Variants in KCNN2 observed in about 807,000 individuals in gnomAD.
KCNN2 encodes potassium calcium-activated channel subfamily N member 2, also known as small conductance calcium-activated potassium channel protein 2.
KCNN2 carries 24 observed loss-of-function variants against 55.5 expected under a neutral mutation model. The observed-to-expected ratio is 0.43, with a 90% CI of 0.31 to 0.61. The LOEUF is 0.61. Ranked by LOEUF, KCNN2 falls within the 20% of genes least tolerant of loss-of-function variation. The pLI is 0.08. For synonymous variants in KCNN2, 431 were observed against 336.1 expected, an observed-to-expected ratio of 1.28 and a Z score of -3.09; for missense variants, 754 against 853.6, an observed-to-expected ratio of 0.88 and a Z score of 1.45.
intron 1 of KCNN2, among the ~76,000 whole-genome samples, chr5:114,180,779 C>G (rs984735996): frequency 2.6e-5 from 4 of 152,140 alleles, no homozygotes; most frequent in African/African-American, 9.7e-5. Flanking sequence ...CCCTCAGCCC[C>G]CTTCCTAGTC....
intron 5 of KCNN2, among the ~76,000 whole-genome samples, chr5:114,483,472 C>T (rs1293742838): frequency 6.6e-6 from 1 of 151,924 alleles, no homozygotes; most frequent in South Asian, 2.1e-4. Flanking sequence ...TGGGGTTCCA[C>T]TAGATGTTGG....
chr5:114,178,015 A>C (rs972168566), intron 1 of KCNN2, among the ~76,000 whole-genome samples: 2 of 152,202 alleles, frequency 1.3e-5, no homozygotes, highest in Non-Finnish European at 2.9e-5. Context: ...ATTGTTTTTA[A>C]TTTAGTCATG....
At chr5:114,058,535 C>T (rs1257374038) in intron 1 of KCNN2, among the ~76,000 whole-genome samples, 2 of 151,982 alleles carry the variant, frequency 1.3e-5, no homozygotes, top group Non-Finnish European at 1.5e-5. Flanking sequence ...TGGTGGACCA[C>T]GTATTAAGAT....
chr5:114,329,969 G>A (rs951904288), intron 2 of KCNN2, among the ~76,000 whole-genome samples: 4 of 152,052 alleles, frequency 2.6e-5, no homozygotes, highest in Non-Finnish European at 4.4e-5. Context: ...GCCCCCAGGA[G>A]AGCACCACCC....
At chr5:114,210,693 A>G (rs930476956) in intron 1 of KCNN2, among the ~76,000 whole-genome samples, 2 of 152,216 alleles carry the variant, frequency 1.3e-5, no homozygotes, top group African/African-American at 4.8e-5. Flanking sequence ...CTAAATACTC[A>G]TCAAGCCAAA....
chr5:114,186,533 G>T (rs374213438), intron 1 of KCNN2, among the ~76,000 whole-genome samples: 30 of 152,184 alleles, frequency 2.0e-4, no homozygotes, highest in East Asian at 1.7e-3. Flanking sequence ...AAAAACAAAA[G>T]AATGAAATAA....
intron 2 of KCNN2, among the ~76,000 whole-genome samples, chr5:114,291,253 T>C (rs184427139): frequency 0.013 from 1,993 of 152,238 alleles, 23 homozygotes; most frequent in Non-Finnish European, 0.018. Flanking sequence ...GTTTGTTAAA[T>C]ATATATACAT....
intron 1 of KCNN2, among the ~76,000 whole-genome samples, chr5:114,066,747 T>C (rs1750460587): frequency 6.6e-6 from 1 of 151,666 alleles, no homozygotes; most frequent in Non-Finnish European, 1.5e-5. Context: ...GCCCAGCTAA[T>C]TTTTGTGTGT....
At chr5:114,095,946 G>A (rs1751246536) in intron 1 of KCNN2, among the ~76,000 whole-genome samples, 2 of 151,994 alleles carry the variant, frequency 1.3e-5, no homozygotes, top group South Asian at 4.2e-4. Context: ...AAGCATATCA[G>A]TATTACATTT....
At chr5:114,100,196 G>T (rs1421046709) in intron 1 of KCNN2, among the ~76,000 whole-genome samples, 1 of 151,878 alleles carries the variant, frequency 6.6e-6, no homozygotes, top group Admixed American at 6.6e-5. Context: ...AAATTTAAAA[G>T]GGTGAAGGAA....
chr5:114,076,681 CT>C (rs1186959369), intron 1 of KCNN2, among the ~76,000 whole-genome samples: 2 of 152,182 alleles, frequency 1.3e-5, no homozygotes, highest in Middle Eastern at 3.4e-3. Context: ...TTTCAAAGAA[CT>C]TTTTTATTTT....
intron 1 of KCNN2, among the ~76,000 whole-genome samples, chr5:114,192,032 C>T (rs1753460805): frequency 2.0e-5 from 3 of 152,134 alleles, no homozygotes; most frequent in Admixed American, 1.3e-4. Flanking sequence ...CATAGAGGCT[C>T]ATGGAGAAAA....
chr5:114,252,032 C>T (rs1754875186), intron 2 of KCNN2, among the ~76,000 whole-genome samples: 1 of 151,710 alleles, frequency 6.6e-6, no homozygotes, highest in Non-Finnish European at 1.5e-5. Flanking sequence ...GCATGCCCCA[C>T]CAAGCCCGGC....
At chr5:114,295,838 C>G (rs762220339) in intron 2 of KCNN2, among the ~76,000 whole-genome samples, 42 of 152,144 alleles carry the variant, frequency 2.8e-4, no homozygotes, top group Non-Finnish European at 5.1e-4. Flanking sequence ...ATTTGGCCAT[C>G]TTGGCTCCAC....
At chr5:114,177,651 T>C (rs977728733) in intron 1 of KCNN2, among the ~76,000 whole-genome samples, 2 of 151,874 alleles carry the variant, frequency 1.3e-5, no homozygotes, top group Non-Finnish European at 2.9e-5. Flanking sequence ...TTAATAAATA[T>C]ATTAACAATA....
chr5:114,115,936 C>G (rs564318660), intron 1 of KCNN2, among the ~76,000 whole-genome samples: 1 of 152,080 alleles, frequency 6.6e-6, no homozygotes, highest in Non-Finnish European at 1.5e-5. Flanking sequence ...GCAAAGACAG[C>G]TGGCATACAT....
At chr5:114,262,871 A>G (rs1368936186) in intron 2 of KCNN2, among the ~76,000 whole-genome samples, 3 of 152,188 alleles carry the variant, frequency 2.0e-5, no homozygotes, top group Non-Finnish European at 4.4e-5. Flanking sequence ...ATTTATCAAA[A>G]GAGGGATTGG....
intron 2 of KCNN2, among the ~76,000 whole-genome samples, chr5:114,337,423 A>G (rs1011551366): frequency 6.6e-6 from 1 of 152,212 alleles, no homozygotes; most frequent in Non-Finnish European, 1.5e-5. Flanking sequence ...GAACATTTAC[A>G]TGCAACTTGC....
rs12153736 is a variant in KCNN2, at chr5:114,241,754, A to G, written c.-185+20189A>G. On this transcript the variant is annotated intron_variant, in intron 2 of 10. Transcript: ENST00000512097. ...TATACATATATACGTATATATATGT[A>G]TATATATACGTATATATATACATAT... Among the ~76,000 whole-genome samples, 127 of 36,056 alleles carry G rather than the reference A, an allele frequency of 3.5e-3. 27 individuals carry two copies. The highest frequency in any genetic ancestry group is 5.1e-3 in the Non-Finnish European group (92 of 17,874). 23.7% of individuals were successfully genotyped at this position (36,056 alleles called of 152,430 possible). A position where few individuals can be genotyped will look rare whatever the true frequency, so the allele number is the denominator to read the frequency against.
Sources: gnomAD v4.1 joint callset for allele counts (sites outside exome capture counted in the v4.1 genomes callset) on GRCh38, gnomAD v4.1.1 for gene constraint, MANE v1.5 for transcripts, NCBI Gene and HGNC (gene_info 2026-07-23, HGNC 2026-07-21) for gene names.